Variants in PCDH11Y observed in about 807,000 individuals in gnomAD.
PCDH11Y encodes protocadherin 11 Y-linked.
For synonymous variants in PCDH11Y, 9 were observed against 83.6 expected, an observed-to-expected ratio of 0.11 and a Z score of 4.87; for missense variants, 12 against 224.8, an observed-to-expected ratio of 0.05 and a Z score of 6.05.
chrY:5,517,501 C>T (rs2053373674), intron 3 of PCDH11Y, among the ~76,000 whole-genome samples: 3 of 32,734 alleles, frequency 9.2e-5, no homozygotes, highest in Admixed American at 8.3e-4. Flanking sequence ...AAAATACTTA[C>T]ATATTGTATT....
chrY:5,712,312 A>G, intron 4 of PCDH11Y, among the ~76,000 whole-genome samples: 2 of 33,477 alleles, frequency 6.0e-5, no homozygotes, highest in African/African-American at 2.3e-4. Context: ...TAGATTCTAA[A>G]TAAGGTCTGG....
At chrY:5,409,774 G>A in intron 2 of PCDH11Y, among the ~76,000 whole-genome samples, 3 of 33,186 alleles carry the variant, frequency 9.0e-5, no homozygotes, top group Non-Finnish European at 2.2e-4. Context: ...TATGAATTTT[G>A]TTTCTTATTG....
intron 3 of PCDH11Y, among the ~76,000 whole-genome samples, chrY:5,548,920 G>A: frequency 3.1e-5 from 1 of 32,752 alleles, no homozygotes; most frequent in African/African-American, 1.2e-4. Flanking sequence ...TCTTGAAGGA[G>A]CACTAAATAT....
intron 1 of PCDH11Y, among the ~76,000 whole-genome samples, chrY:5,090,774 C>A: frequency 3.1e-5 from 1 of 32,741 alleles, no homozygotes; most frequent in Admixed American, 2.8e-4. Flanking sequence ...GTGAAAAAAT[C>A]CTTGAACTAA....
At chrY:5,108,519 G>A (rs2052797641), downstream of PCDH11Y, among the ~76,000 whole-genome samples, 1 of 31,294 alleles carries the variant, frequency 3.2e-5, no homozygotes, top group Non-Finnish European at 7.7e-5. Flanking sequence ...AGGCCAAGGC[G>A]GGAGGATCAC....
In PCDH11Y at chrY:5,040,134, C is replaced by G. The variant is rs1602842691; in HGVS notation, c.32+7406C>G. On this transcript the variant is annotated intron_variant, in intron 3 of 5. Coordinates refer to the PCDH11Y transcript ENST00000333703. Reference sequence around the variant, plus strand: ...TGCGCGACAGAGTGAGACTCCATCTCAAAAAAAAAAAAAAAAAGTATTGGC... The same window carrying G: ...TGCGCGACAGAGTGAGACTCCATCTGAAAAAAAAAAAAAAAAAGTATTGGC... Among the ~76,000 whole-genome samples the G allele has an allele frequency of 2.2e-4, 3 of 13,745 alleles. No individual in the cohort carries two copies. The East Asian group carries it at 5.0e-3, about 23-fold the overall frequency. The allele number at this position is 13,745 out of a possible 37,273, so 36.9% of individuals were successfully genotyped here. A position where few individuals can be genotyped will look rare whatever the true frequency, so the allele number is the denominator to read the frequency against.
chrY:5,202,103 G>A, intron 2 of PCDH11Y, among the ~76,000 whole-genome samples: 1 of 32,899 alleles, frequency 3.0e-5, no homozygotes, highest in Non-Finnish European at 7.5e-5. Flanking sequence ...TTAAGCATTT[G>A]TAGTGAATAT....
At chrY:5,482,105 T>G (rs2053327299) in intron 2 of PCDH11Y, among the ~76,000 whole-genome samples, 1 of 29,975 alleles carries the variant, frequency 3.3e-5, no homozygotes, top group Non-Finnish European at 7.9e-5. Flanking sequence ...GTTCAAGCGA[T>G]TCTCCTGCCC....
intron 2 of PCDH11Y, among the ~76,000 whole-genome samples, chrY:5,497,290 C>T (rs2124687525): frequency 3.0e-5 from 1 of 33,529 alleles, no homozygotes; most frequent in East Asian, 8.1e-4. Context: ...TATTTCTCCA[C>T]ATCCTCTCCA....
At chrY:5,724,493 A>T in intron 4 of PCDH11Y, among the ~76,000 whole-genome samples, 5 of 33,356 alleles carry the variant, frequency 1.5e-4, no homozygotes, top group Admixed American at 5.4e-4. Flanking sequence ...TAAACATTGT[A>T]CTAGAGGTTT....
chrY:5,660,028 G>A, intron 4 of PCDH11Y, among the ~76,000 whole-genome samples: 1 of 28,705 alleles, frequency 3.5e-5, no homozygotes, highest in Non-Finnish European at 8.1e-5. Flanking sequence ...TCAAGGCCAT[G>A]GGTCTGCCTC....
At chrY:5,264,203 G>A in intron 2 of PCDH11Y, among the ~76,000 whole-genome samples, 2 of 33,478 alleles carry the variant, frequency 6.0e-5, no homozygotes, top group Non-Finnish European at 7.4e-5. Flanking sequence ...CCCAGGGCAC[G>A]TTCATAAATG....
Position 5,061,914 on chromosome Y carries a change from G to A in PCDH11Y, c.636+4455G>A. 1.2e-4 allele frequency among the ~76,000 whole-genome samples: 4 copies of A among 33,112 alleles called. No homozygotes were observed. In the East Asian group the frequency reaches 3.2e-3, roughly 27 times the overall value. 88.8% of individuals were successfully genotyped at this position (33,112 alleles called of 37,273 possible). ...ACATAGTCAAGATGTTTGGGCCCTT[G>A]TTTTTATTTTAAGTAAACATCTTCC... is the stretch of plus-strand genomic sequence containing the variant. On this transcript the variant is annotated intron_variant, in intron 1 of 1. Coordinates refer to ENST00000215473, the Ensembl canonical transcript of PCDH11Y.
At chrY:5,174,695 C>T (rs2124646090) in intron 2 of PCDH11Y, among the ~76,000 whole-genome samples, 1 of 32,909 alleles carries the variant, frequency 3.0e-5, no homozygotes, top group Non-Finnish European at 7.6e-5. Flanking sequence ...TTATTTTTCT[C>T]TCAGGAGACT....
intron 2 of PCDH11Y, among the ~76,000 whole-genome samples, chrY:5,247,709 A>C: frequency 3.1e-5 from 1 of 32,494 alleles, no homozygotes; most frequent in African/African-American, 1.2e-4. Flanking sequence ...AGCTAGCAGA[A>C]GACAAGAAAT....
intron 2 of PCDH11Y, among the ~76,000 whole-genome samples, chrY:5,234,405 G>A: frequency 3.3e-5 from 1 of 29,858 alleles, no homozygotes; most frequent in Non-Finnish European, 7.9e-5. Flanking sequence ...CACCATGCCC[G>A]GCTAATTTTT....
At chrY:5,266,666 A>G in intron 2 of PCDH11Y, among the ~76,000 whole-genome samples, 1 of 33,037 alleles carries the variant, frequency 3.0e-5, no homozygotes, top group Non-Finnish European at 7.4e-5. Context: ...TTAACTTTTA[A>G]TTACAGTATT....
intron 2 of PCDH11Y, among the ~76,000 whole-genome samples, chrY:5,153,065 C>T: frequency 1.2e-4 from 4 of 32,639 alleles, no homozygotes; most frequent in Non-Finnish European, 3.0e-4. Context: ...TACTGATTAT[C>T]ATGGCCACGT....
At chrY:5,739,105 T>C in exon 5 of PCDH11Y, 1 of 31,703 alleles carries the variant, frequency 3.2e-5, no homozygotes, top group Admixed American at 2.9e-4. Flanking sequence ...TTTCAAGAAA[T>C]GTAATTATAA....
Sources: allele counts gnomAD v4.1 joint callset (sites outside exome capture counted in the v4.1 genomes callset), GRCh38; gene constraint gnomAD v4.1.1; transcripts MANE v1.5; gene names NCBI Gene and HGNC (gene_info 2026-07-23, HGNC 2026-07-21).